Variants in RPTOR observed in about 807,000 individuals in gnomAD.
RPTOR encodes regulatory-associated protein of mTOR.
Under a neutral mutation model 169.9 loss-of-function variants are expected in RPTOR, and 21 were observed. The observed-to-expected ratio is 0.12, with a 90% CI of 0.09 to 0.18. The LOEUF (loss-of-function observed/expected upper bound fraction) is 0.18, where lower values mean the gene tolerates loss of function less well. RPTOR is among the 10% of genes least tolerant of loss of function. RPTOR has a pLI of 1.00. For missense variants in RPTOR, 1,133 were observed against 1,855.9 expected (o/e 0.61, Z 7.16); for synonymous variants, 732 against 753.2 (o/e 0.97, Z 0.46).
chr17:80,705,285 C>CGAG (rs1445035930), intron 3 of RPTOR, among the ~76,000 whole-genome samples: 1 of 152,238 alleles, frequency 6.6e-6, no homozygotes, highest in Non-Finnish European at 1.5e-5. Context: ...TGGTTCTGAG[C>CGAG]GAGGAGACAC....
At chr17:80,724,605 G>A (rs2066314679) in intron 4 of RPTOR, among the ~76,000 whole-genome samples, 1 of 152,128 alleles carries the variant, frequency 6.6e-6, no homozygotes, top group Non-Finnish European at 1.5e-5. Flanking sequence ...GCGAGGCCAG[G>A]TTCTCCCATC....
intron 7 of RPTOR, chr17:80,805,588 G>C (rs193158344): frequency 2.6e-5 from 4 of 152,320 alleles, no homozygotes; most frequent in African/African-American, 9.6e-5. Context: ...ACACCGGGAA[G>C]CCCACAGAAA....
intron 19 of RPTOR, among the ~76,000 whole-genome samples, chr17:80,893,261 C>A (rs2333986): frequency 6.8e-6 from 1 of 147,648 alleles, no homozygotes; most frequent in African/African-American, 2.5e-5. Flanking sequence ...AGGGTGTGTG[C>A]GCCAGGGTGC....
intron 4 of RPTOR, among the ~76,000 whole-genome samples, chr17:80,717,642 G>A (rs1054953517): frequency 2.6e-5 from 4 of 151,902 alleles, no homozygotes; most frequent in Admixed American, 6.6e-5. Context: ...CCATCAAAAC[G>A]AAGCCTGCAG....
chr17:80,897,548 G>A (rs374548264), intron 20 of RPTOR, among the ~76,000 whole-genome samples: 2 of 152,210 alleles, frequency 1.3e-5, no homozygotes, highest in East Asian at 3.8e-4. Flanking sequence ...TTACATGATT[G>A]AATTTCTTGT....
chr17:80,962,935 G>C lies in RPTOR; in HGVS notation c.3817G>C (p.Val1273Leu), dbSNP rs771184410. ...PQADLIACGSVNQFTAIYNSS... is the reference protein window; with the variant it reads ...PQADLIACGSLNQFTAIYNSS... ...CCCTTTCTCTCCCCACAGTGGCTCC[G>C]TCAATCAGTTCACCGCCATCTACAA... The change falls in exon 33 of 34, where the codon GTC becomes CTC. Residue 1273 changes from valine (V) to leucine (L), a missense_variant. Transcript: ENST00000306801. 1 of 1,613,622 alleles carries C rather than the reference G, an allele frequency of 6.2e-7. No individual in the cohort carries two copies. The highest frequency in any genetic ancestry group is 8.5e-7 in the Non-Finnish European group (1 of 1,179,948).
Position 80,750,126 on chromosome 17 carries a change from A to G in RPTOR, c.655-3884A>G, listed in dbSNP as rs1399918546. On this transcript the variant is annotated intron_variant, in intron 5 of 33. Transcript: ENST00000306801. ...CTCAGCCTCCCAAAGTGCTGGTATT[A>G]CAGATGTGAGCCACCACACCTGGTT... Among the ~76,000 whole-genome samples, 3 of 152,306 alleles carry G rather than the reference A, an allele frequency of 2.0e-5. No homozygotes were observed. In the South Asian group the frequency reaches 6.2e-4, roughly 32 times the overall value.
At chr17:80,786,315 A>G (rs1371066878) in intron 6 of RPTOR, among the ~76,000 whole-genome samples, 1 of 152,160 alleles carries the variant, frequency 6.6e-6, no homozygotes, top group African/African-American at 2.4e-5. Context: ...TCACTTTTTT[A>G]TGGTAAATAC....
chr17:80,861,839 C>T lies in RPTOR; in HGVS notation c.1509+3939C>T, dbSNP rs1416289075. ...AATTGATGATGTCTTTATTTTTAGTCTCAGGGGTGGCTCTTGGTGAAAGGG... is the reference window on the plus strand; with the variant it reads ...AATTGATGATGTCTTTATTTTTAGTTTCAGGGGTGGCTCTTGGTGAAAGGG... On this transcript the variant is annotated intron_variant, in intron 13 of 33. Coordinates refer to ENST00000306801, the MANE Select transcript of RPTOR (RefSeq NM_020761.3). This position sits in a 1 kb window ranked among gnomAD's most constrained non-coding sequence, Gnocchi z 4.5. Among the ~76,000 whole-genome samples, 1 of 152,130 alleles carries T rather than the reference C, an allele frequency of 6.6e-6. No homozygotes were observed. Among genetic ancestry groups the T allele is most frequent in the Non-Finnish European group, 1.5e-5 (1 of 68,020 alleles).
At chr17:80,595,511 G>T (rs921005486) in intron 1 of RPTOR, among the ~76,000 whole-genome samples, 1 of 152,162 alleles carries the variant, frequency 6.6e-6, no homozygotes, top group Non-Finnish European at 1.5e-5. Flanking sequence ...GCTAGAGTGC[G>T]GTGGCATGAT....
Position 80,803,383 on chromosome 17 carries a change from T to C in RPTOR, c.890+11874T>C. 1 of 153,000 alleles carries C rather than the reference T, an allele frequency of 6.5e-6. No individual in the cohort carries two copies. The highest frequency in any genetic ancestry group is 1.5e-5 in the Non-Finnish European group (1 of 68,646). 9.5% of individuals were successfully genotyped at this position (153,000 alleles called of 1,614,324 possible). ...CGGAGCCTGTGTCCGCCCCCACCCG[T>C]CCTGCTGTGTCTGCCCCCAGCCGCC... On this transcript the variant is annotated intron_variant, in intron 7 of 33. Coordinates refer to ENST00000306801, the MANE Select transcript of RPTOR (RefSeq NM_020761.3). The surrounding 1 kb of genome is among the most constrained non-coding windows in gnomAD (Gnocchi z 6.2).
intron 5 of RPTOR, among the ~76,000 whole-genome samples, chr17:80,738,358 T>C (rs1179672049): frequency 6.6e-6 from 1 of 152,266 alleles, no homozygotes; most frequent in African/African-American, 2.4e-5. Context: ...TCTGTGCCCA[T>C]GCACCATCCC....
At chr17:80,570,495 CTG>C (rs1398672685) in intron 1 of RPTOR, among the ~76,000 whole-genome samples, 2 of 152,108 alleles carry the variant, frequency 1.3e-5, no homozygotes, top group African/African-American at 4.8e-5. Context: ...GAGTCTCACT[CTG>C]TCACCCAGGC....
chr17:80,783,830 T>G (rs1262350611), intron 6 of RPTOR, among the ~76,000 whole-genome samples: 1 of 152,232 alleles, frequency 6.6e-6, no homozygotes, highest in Non-Finnish European at 1.5e-5. Context: ...AATAGCAAAC[T>G]CTTGCACTTA....
In RPTOR at chr17:80,834,689, G is replaced by A. The variant is rs191181347; in HGVS notation, c.1137-3233G>A. On this transcript the variant is annotated intron_variant, in intron 9 of 33. Transcript: ENST00000306801. ...AGCTTTGCTGGGCGGCATCCTGTCC[G>A]GTGTGCTGAGCGATGTCTCCAGTGC... Among the ~76,000 whole-genome samples the A allele has an allele frequency of 2.5e-3, 382 of 152,302 alleles. 1 individual carries two copies. The highest frequency in any genetic ancestry group is 6.1e-3 in the African/African-American group (253 of 41,566).
At chr17:80,897,590 C>T (rs115614315) in intron 20 of RPTOR, among the ~76,000 whole-genome samples, 2 of 152,352 alleles carry the variant, frequency 1.3e-5, no homozygotes, top group Non-Finnish European at 2.9e-5. Context: ...GGGCACCCAG[C>T]GTGGTAATGT....
At chr17:80,597,816 G>GT (rs35356192) in intron 1 of RPTOR, among the ~76,000 whole-genome samples, 14,338 of 151,274 alleles carry the variant, frequency 0.095, 777 homozygotes, top group Middle Eastern at 0.12. Flanking sequence ...GCCTGGCCAT[G>GT]TTTTTTTTGT....
In RPTOR at chr17:80,545,657, C is replaced by T. The variant is rs149692261; in HGVS notation, c.28C>T (p.Leu10Phe). 9.3e-6 allele frequency: 15 copies of T among 1,613,060 alleles called. No individual in the cohort carries two copies. Among genetic ancestry groups the T allele is most frequent in the Non-Finnish European group, 1.1e-5 (13 of 1,179,554 alleles). ...GGAGTCCGAAATGCTGCAATCGCCT[C>T]TTCTGGGCCTGGGGGAGGAAGATGA... MESEMLQSP[L>F]LGLGEEDEAD... The change falls in exon 1 of 34, where the codon CTT becomes TTT. Residue 10 changes from leucine (L) to phenylalanine (F), a missense_variant. Transcript: ENST00000306801.
intron 6 of RPTOR, chr17:80,774,232 C>T (rs1422380089): frequency 4.1e-6 from 4 of 985,414 alleles, no homozygotes; most frequent in Non-Finnish European, 4.8e-6. Flanking sequence ...TTCTCGACAG[C>T]GCCCGTGTGA....
Sources: gnomAD v4.1 joint callset for allele counts (sites outside exome capture counted in the v4.1 genomes callset) on GRCh38, gnomAD v4.1.1 for gene constraint, Gnocchi (gnomAD v3.1) non-coding constraint, MANE v1.5 for transcripts, NCBI Gene and HGNC (gene_info 2026-07-23, HGNC 2026-07-21) for gene names.